The following GMDS variants were observed in gnomAD, a reference collection of about 807,000 sequenced individuals.
GMDS encodes the protein GDP-mannose 4,6-dehydratase.
In GMDS, 20 loss-of-function variants were observed where a neutral mutation model predicts 49.9. The ratio of observed to expected loss-of-function variants is 0.40; its 90% confidence interval spans 0.28 to 0.58. GMDS has a LOEUF of 0.58. Ranked by LOEUF, GMDS falls within the 20% of genes least tolerant of loss-of-function variation. The pLI is 0.42. For synonymous variants in GMDS, 177 were observed against 178.6 expected, an observed-to-expected ratio of 0.99 and a Z score of 0.07; for missense variants, 362 against 481.4, an observed-to-expected ratio of 0.75 and a Z score of 2.32.
intron 4 of GMDS, among the ~76,000 whole-genome samples, chr6:2,016,081 AT>A (rs1486457988): frequency 0.063 from 6,187 of 97,580 alleles, 170 homozygotes; most frequent in Non-Finnish European, 0.073. Context: ...AAAAAAAAAA[AT>A]AAATTAAAAA....
intron 7 of GMDS, among the ~76,000 whole-genome samples, chr6:1,790,165 A>G (rs1333301590): frequency 6.6e-6 from 1 of 152,196 alleles, no homozygotes; most frequent in East Asian, 1.9e-4. Flanking sequence ...ACTTGGTGAG[A>G]AATCCAGAAA....
In GMDS at chr6:1,871,330, A is replaced by C. The variant is rs139013354; in HGVS notation, c.771+58773T>G. On this transcript the variant is annotated intron_variant, in intron 7 of 10. Transcript: ENST00000380815. Reference sequence around the variant, plus strand: ...CCTACGTAAATACGTTTAAGGAAAGAAAAAGAGTAGGTCATTAAATAGTGA... The same window carrying C: ...CCTACGTAAATACGTTTAAGGAAAGCAAAAGAGTAGGTCATTAAATAGTGA... 5.3e-3 allele frequency among the ~76,000 whole-genome samples: 808 copies of C among 152,130 alleles called. 6 individuals carry two copies. The highest frequency in any genetic ancestry group is 0.019 in the African/African-American group (775 of 41,354).
chr6:2,057,414 T>C (rs931247257), intron 4 of GMDS, among the ~76,000 whole-genome samples: 18 of 152,242 alleles, frequency 1.2e-4, no homozygotes, highest in Non-Finnish European at 2.5e-4. Context: ...TGTACACACA[T>C]ATTTTTTAAT....
intron 7 of GMDS, among the ~76,000 whole-genome samples, chr6:1,886,064 T>G (rs1019088427): frequency 6.6e-6 from 1 of 152,224 alleles, no homozygotes; most frequent in Admixed American, 6.5e-5. Context: ...CTTGGTCATT[T>G]GTCTGAGAAA....
intron 9 of GMDS, among the ~76,000 whole-genome samples, chr6:1,652,030 G>A (rs1763666715): frequency 6.6e-6 from 1 of 151,860 alleles, no homozygotes. Context: ...GTTAATCTGA[G>A]CTTTCTCTTG....
chr6:1,891,315 G>A (rs1042121420), intron 7 of GMDS, among the ~76,000 whole-genome samples: 2 of 152,212 alleles, frequency 1.3e-5, no homozygotes, highest in African/African-American at 4.8e-5. Context: ...ATACTGTGCT[G>A]TCCAAATCCA....
chr6:1,796,422 A>G (rs1336470502), intron 7 of GMDS, among the ~76,000 whole-genome samples: 1 of 152,176 alleles, frequency 6.6e-6, no homozygotes, highest in Non-Finnish European at 1.5e-5. Flanking sequence ...AAAAAATACA[A>G]ATTCTCAGGC....
chr6:1,802,622 C>A (rs185065783), intron 7 of GMDS, among the ~76,000 whole-genome samples: 1 of 152,178 alleles, frequency 6.6e-6, no homozygotes, highest in Non-Finnish European at 1.5e-5. Context: ...CGCTGTTGTT[C>A]GGCAGGAGGT....
At chr6:1,779,121 G>A (rs1470211482) in intron 7 of GMDS, among the ~76,000 whole-genome samples, 1 of 152,140 alleles carries the variant, frequency 6.6e-6, no homozygotes, top group African/African-American at 2.4e-5. Flanking sequence ...CCGTCCACAT[G>A]CCTCTGGGTA....
At chr6:2,110,237 A>AC (rs1365700459) in intron 4 of GMDS, among the ~76,000 whole-genome samples, 3 of 64,760 alleles carry the variant, frequency 4.6e-5, no homozygotes, top group South Asian at 6.9e-4. Flanking sequence ...TTGTTCACCC[A>AC]CCCCCCTCCC....
intron 9 of GMDS, among the ~76,000 whole-genome samples, chr6:1,629,465 A>G (rs1034626648): frequency 6.6e-6 from 1 of 152,252 alleles, no homozygotes; most frequent in African/African-American, 2.4e-5. Flanking sequence ...AGCTCAAACA[A>G]TGCTCAGGCA....
intron 7 of GMDS, among the ~76,000 whole-genome samples, chr6:1,875,199 A>G (rs1048919408): frequency 6.6e-6 from 1 of 152,202 alleles, no homozygotes; most frequent in Admixed American, 6.5e-5. Context: ...AATTTAAATT[A>G]AGAGAACCTC....
At chr6:1,664,982 G>T (rs1201203277) in intron 9 of GMDS, among the ~76,000 whole-genome samples, 2 of 152,204 alleles carry the variant, frequency 1.3e-5, no homozygotes, top group African/African-American at 2.4e-5. Context: ...TACTCAGCTG[G>T]CTTTGCACAT....
At chr6:1,828,357 A>C (rs1771213868) in intron 7 of GMDS, among the ~76,000 whole-genome samples, 1 of 152,194 alleles carries the variant, frequency 6.6e-6, no homozygotes, top group Admixed American at 6.5e-5. Flanking sequence ...AGCAGAGAGA[A>C]GAAGGGGCCA....
intron 4 of GMDS, among the ~76,000 whole-genome samples, chr6:2,021,208 T>C (rs1768260837): frequency 6.6e-6 from 1 of 152,230 alleles, no homozygotes; most frequent in Non-Finnish European, 1.5e-5. Flanking sequence ...AAAAGGGCCA[T>C]TAGTGAAGGA....
At chr6:1,938,229 T>C (rs1468129443) in intron 6 of GMDS, among the ~76,000 whole-genome samples, 1 of 152,218 alleles carries the variant, frequency 6.6e-6, no homozygotes, top group Non-Finnish European at 1.5e-5. Flanking sequence ...AATAGCTCCC[T>C]GGGTCTCCTT....
At chr6:2,018,168 C>T (rs1768024609) in intron 4 of GMDS, among the ~76,000 whole-genome samples, 1 of 152,138 alleles carries the variant, frequency 6.6e-6, no homozygotes, top group South Asian at 2.1e-4. Context: ...TCTCTATCTA[C>T]TGGCAACAAC....
At chr6:2,002,837 A>AT (rs1172680859) in intron 4 of GMDS, among the ~76,000 whole-genome samples, 1 of 152,056 alleles carries the variant, frequency 6.6e-6, no homozygotes, top group Non-Finnish European at 1.5e-5. Flanking sequence ...CATACTTAAT[A>AT]GAGTATTCTT....
At chr6:2,003,981 C>T (rs551925058) in intron 4 of GMDS, among the ~76,000 whole-genome samples, 1 of 152,282 alleles carries the variant, frequency 6.6e-6, no homozygotes, top group African/African-American at 2.4e-5. Context: ...ATATCATGTT[C>T]ACATAGCATC....
Sources: allele counts gnomAD v4.1 joint callset (sites outside exome capture counted in the v4.1 genomes callset), GRCh38; gene constraint gnomAD v4.1.1; transcripts MANE v1.5; gene names NCBI Gene and HGNC (gene_info 2026-07-23, HGNC 2026-07-21).